The following UGT2B7 variants were observed in gnomAD, a reference collection of about 807,000 sequenced individuals.
The protein encoded by UGT2B7 is UDP-glucuronosyltransferase 2B7.
Under a neutral mutation model 51.9 loss-of-function variants are expected in UGT2B7, and 51 were observed. The ratio of observed to expected loss-of-function variants is 0.98; its 90% confidence interval spans 0.78 to 1.24. UGT2B7 has a LOEUF of 1.24. Ranked by LOEUF, UGT2B7 falls within the 50% of genes most tolerant of loss-of-function variation. UGT2B7 has a pLI of 0.00. For missense variants in UGT2B7, 727 were observed against 628.4 expected, an observed-to-expected ratio of 1.16 and a Z score of -1.68; for synonymous variants, 225 against 211.6, an observed-to-expected ratio of 1.06 and a Z score of -0.55.
Position 69,112,569 on chromosome 4 carries a change from C to T in UGT2B7, c.1423C>T (p.His475Tyr), listed in dbSNP as rs779075942. 1.9e-6 allele frequency: 3 copies of T among 1,613,982 alleles called. No homozygotes were observed. The highest frequency in any genetic ancestry group is 2.5e-6 in the Non-Finnish European group (3 of 1,179,868). Residue 475 changes from histidine to tyrosine, a missense_variant, in exon 6 of 6, where the codon CAC becomes TAC. Transcript: ENST00000305231. ...TGTCATGCGCCACAAAGGAGCTAAA[C>T]ACCTTCGGGTTGCAGCCCACGACCT... Reference protein sequence around the residue: ...EFVMRHKGAKHLRVAAHDLTW... With the variant: ...EFVMRHKGAKYLRVAAHDLTW...
At chr4:69,076,239 T>A (rs1389115420) in intron 1 of UGT2B7, among the ~76,000 whole-genome samples, 1 of 152,208 alleles carries the variant, frequency 6.6e-6, no homozygotes, top group Non-Finnish European at 1.5e-5. Flanking sequence ...ACAATAAACA[T>A]ATATGTGCAT....
chr4:69,054,358 G>A (rs1395022741), intron 1 of UGT2B7, among the ~76,000 whole-genome samples: 2 of 152,190 alleles, frequency 1.3e-5, no homozygotes, highest in Non-Finnish European at 1.5e-5. Context: ...CAATGGCCCT[G>A]TTACCACAAG....
At position 69,064,112 on chromosome 4, in the gene UGT2B7, A is replaced by AAGAAAGAAAGAAAGAAAG. The variant is rs754723956; in HGVS notation, c.-159+12511_-159+12512insGAAAGAAAGAAAGAAAGA. 3.2e-3 allele frequency among the ~76,000 whole-genome samples: 274 copies of AAGAAAGAAAGAAAGAAAG among 86,702 alleles called. 11 individuals carry two copies. Among genetic ancestry groups the AAGAAAGAAAGAAAGAAAG allele is most frequent in the Middle Eastern group, 0.012 (2 of 172 alleles). The allele number at this position is 86,702 out of a possible 152,430, so 56.9% of individuals were successfully genotyped here. A position where few individuals can be genotyped will look rare whatever the true frequency, so the allele number is the denominator to read the frequency against. On this transcript the variant is annotated intron_variant, in intron 1 of 5. Coordinates refer to the UGT2B7 transcript ENST00000502942. Reference sequence around the variant, plus strand: ...AGAAAGAAAGAGAAAGAAAGAAAGAAAAAGAAAGAAAGAAAGAAAGAAAGA... The same window carrying AAGAAAGAAAGAAAGAAAG: ...AGAAAGAAAGAGAAAGAAAGAAAGAAAGAAAGAAAGAAAGAAAGAAAGAAAGAAAGAAAGAAAGAAAGA...
chr4:69,098,695 A>G lies in UGT2B7; in HGVS notation c.870+7A>G, dbSNP rs1478093108. 3 of 1,605,456 alleles carry G rather than the reference A, an allele frequency of 1.9e-6. No homozygotes were observed. The highest frequency in any genetic ancestry group is 1.3e-5 in the African/African-American group (1 of 74,074). ...TGCCAAACCCCTGCCTAAGGTAAACATACTTTTGTTGGTTTTATTTTGTTG... is the reference window on the plus strand; with the variant it reads ...TGCCAAACCCCTGCCTAAGGTAAACGTACTTTTGTTGGTTTTATTTTGTTG... On this transcript the variant is annotated splice_region_variant and intron_variant, in intron 2 of 5. Transcript: ENST00000305231.
intron 1 of UGT2B7, among the ~76,000 whole-genome samples, chr4:69,052,928 A>C (rs1449921107): frequency 4.6e-5 from 7 of 152,186 alleles, no homozygotes; most frequent in Admixed American, 6.5e-5. Context: ...TATTGTTTTA[A>C]AAGTTTAAGC....
At chr4:69,085,354 C>A (rs1052835692) in intron 1 of UGT2B7, among the ~76,000 whole-genome samples, 1 of 152,018 alleles carries the variant, frequency 6.6e-6, no homozygotes, top group African/African-American at 2.4e-5. Flanking sequence ...TTTGTAGATT[C>A]TGGATATTAG....
At chr4:69,072,646 A>G (rs1457463657) in intron 1 of UGT2B7, among the ~76,000 whole-genome samples, 1 of 152,188 alleles carries the variant, frequency 6.6e-6, no homozygotes, top group East Asian at 1.9e-4. Flanking sequence ...TAATAATTGT[A>G]AAAATTACTG....
chr4:69,059,757 A>C (rs956875096), intron 1 of UGT2B7, among the ~76,000 whole-genome samples: 16 of 152,210 alleles, frequency 1.1e-4, no homozygotes, highest in African/African-American at 3.9e-4. Context: ...ACCATGGAAC[A>C]CCCCTCTCTT....
rs1719262841 is a variant in UGT2B7 at position 69,097,070 on chromosome 4, A to G, written c.550A>G (p.Ser184Gly). The part of the protein sequence containing the change: ...FSPGYTFEKH[S>G]GGFIFPPSYV... ...TCCTGGCTACACTTTTGAAAAGCATAGTGGAGGATTTATTTTCCCTCCTTC... is the reference window on the plus strand; with the variant it reads ...TCCTGGCTACACTTTTGAAAAGCATGGTGGAGGATTTATTTTCCCTCCTTC... The change falls in exon 1 of 6, where the codon AGT becomes GGT. Residue 184 changes from serine (S) to glycine (G), a missense_variant. Transcript: ENST00000305231. The G allele has an allele frequency of 6.2e-7, 1 of 1,613,806 alleles. No homozygotes were observed. The highest frequency in any genetic ancestry group is 8.5e-7 in the Non-Finnish European group (1 of 1,179,774).
At chr4:69,074,347 G>A (rs1718658213) in intron 1 of UGT2B7, among the ~76,000 whole-genome samples, 1 of 151,112 alleles carries the variant, frequency 6.6e-6, no homozygotes, top group African/African-American at 2.4e-5. Context: ...ACTTGACCTT[G>A]GTAGGTTGAG....
rs376649483 is a variant in UGT2B7, at chr4:69,102,763, T to G, written c.871-44T>G. ...CACCAATTCTTTTGGTAGTGCCCGCTGTGCTAATACTCTTTTGTGATGAAG... is the reference window on the plus strand; with the variant it reads ...CACCAATTCTTTTGGTAGTGCCCGCGGTGCTAATACTCTTTTGTGATGAAG... On this transcript the variant is annotated intron_variant, in intron 2 of 5. Coordinates refer to ENST00000305231, the MANE Select transcript of UGT2B7 (RefSeq NM_001074.4). 5 of 1,591,936 alleles carry G rather than the reference T, an allele frequency of 3.1e-6. No homozygotes were observed. In the African/African-American group the frequency reaches 6.8e-5, roughly 22 times the overall value.
chr4:69,093,160 G>C (rs901397652), upstream of UGT2B7, among the ~76,000 whole-genome samples: 2 of 152,154 alleles, frequency 1.3e-5, no homozygotes, highest in Non-Finnish European at 2.9e-5. Flanking sequence ...GAAATGACTG[G>C]AGTCCCCTGT....
At chr4:69,111,437 A>G (rs1178219649) in intron 5 of UGT2B7, among the ~76,000 whole-genome samples, 2 of 152,176 alleles carry the variant, frequency 1.3e-5, no homozygotes, top group East Asian at 3.9e-4. Context: ...GTCACTCACC[A>G]TGACACAATT....
At chr4:69,099,257 CAAAAAA>C (rs58121670) in intron 2 of UGT2B7, among the ~76,000 whole-genome samples, 1,718 of 105,736 alleles carry the variant, frequency 0.016, 22 homozygotes, top group African/African-American at 0.048. Flanking sequence ...GAGAGACAGA[CAAAAAA>C]AAAAAAAAAA....
At chr4:69,094,961 G>T (rs529438865), upstream of UGT2B7, among the ~76,000 whole-genome samples, 31 of 152,288 alleles carry the variant, frequency 2.0e-4, no homozygotes, top group African/African-American at 7.5e-4. Context: ...CCCTCCAAAA[G>T]TAGTAACTCC....
intron 4 of UGT2B7, among the ~76,000 whole-genome samples, chr4:69,107,889 A>C (rs1719653241): frequency 6.6e-6 from 1 of 152,136 alleles, no homozygotes; most frequent in African/African-American, 2.4e-5. Context: ...CCCAACTGGA[A>C]ATCTTGTATT....
chr4:69,075,963 T>C (rs539060237), intron 1 of UGT2B7, among the ~76,000 whole-genome samples: 2 of 152,082 alleles, frequency 1.3e-5, no homozygotes, highest in Admixed American at 6.6e-5. Context: ...CACTGTGTGA[T>C]GTTCCCCTCC....
chr4:69,081,989 C>A (rs187782864), intron 1 of UGT2B7, among the ~76,000 whole-genome samples: 4 of 151,990 alleles, frequency 2.6e-5, no homozygotes, highest in Admixed American at 1.3e-4. Flanking sequence ...TCTCTGTGAC[C>A]CATTTTGCTA....
At chr4:69,080,945 G>T (rs1388663794) in intron 1 of UGT2B7, among the ~76,000 whole-genome samples, 2 of 151,916 alleles carry the variant, frequency 1.3e-5, no homozygotes, top group Non-Finnish European at 2.9e-5. Flanking sequence ...CATTAAATGT[G>T]TAACATAAAA....
Sources: allele counts gnomAD v4.1 joint callset (sites outside exome capture counted in the v4.1 genomes callset), GRCh38; gene constraint gnomAD v4.1.1; transcripts MANE v1.5; gene names NCBI Gene and HGNC (gene_info 2026-07-23, HGNC 2026-07-21).